KCNQ3: variants seen among roughly 807,000 people sequenced by gnomAD.
KCNQ3 encodes the protein potassium voltage-gated channel subfamily KQT member 3.
In KCNQ3, 30 loss-of-function variants were observed where a neutral mutation model predicts 92.5. That is an observed-to-expected ratio of 0.32 (90% confidence interval 0.24 to 0.44). The LOEUF is 0.44. Ranked by LOEUF, KCNQ3 falls within the 20% of genes least tolerant of loss-of-function variation. KCNQ3 has a pLI of 1.00. For missense variants in KCNQ3, 913 were observed against 1,140.3 expected (o/e 0.80, Z 2.87); for synonymous variants, 450 against 468.8 (o/e 0.96, Z 0.52).
chr8:132,206,429 T>C (rs1195044476), intron 1 of KCNQ3, among the ~76,000 whole-genome samples: 2 of 152,172 alleles, frequency 1.3e-5, no homozygotes, highest in Non-Finnish European at 2.9e-5. Context: ...AAGCAAACAA[T>C]GGAAATCAAA....
Position 132,217,730 on chromosome 8 carries a change from AC to A in KCNQ3, c.387-31550del, listed in dbSNP as rs759242632. Among the ~76,000 whole-genome samples the A allele has an allele frequency of 2.9e-4, 44 of 150,490 alleles. 2 individuals are homozygous for A. Among genetic ancestry groups the A allele is most frequent in the African/African-American group, 7.3e-4 (30 of 40,874 alleles). ...TGTCTCAAAAAAAAAAAAAAAAAAA[AC>A]AAAACACTGGGAGTCTGAACTATTG... On this transcript the variant is annotated intron_variant, in intron 1 of 14. Coordinates refer to ENST00000388996, the MANE Select transcript of KCNQ3 (RefSeq NM_004519.4).
Position 132,175,500 on chromosome 8 carries a change from T to C in KCNQ3, c.886A>G (p.Met296Val). 1 of 1,614,120 alleles carries C rather than the reference T, an allele frequency of 6.2e-7. No individual in the cohort carries two copies. Among genetic ancestry groups the C allele is most frequent in the South Asian group, 1.1e-5 (1 of 91,082 alleles). Residue 296 changes from methionine (M) to valine (V), a missense_variant, in exon 5 of 15, where the codon ATG becomes GTG. Physicochemically the swap from Met to Val is conservative, Grantham distance 21. This residue lies in a region of KCNQ3 where 21 missense variants were observed against 16.3 expected (regional missense o/e 1.29). Transcript: ENST00000388996. ...VPEVDAQGEE[M>V]KEEFETYADA... ...GCATAGGTCTCAAACTCCTCTTTCA[T>C]CTCCTCTCCTTGTGCATCCACCTCT...
At chr8:132,278,930 C>T (rs1230080364) in intron 1 of KCNQ3, among the ~76,000 whole-genome samples, 1 of 152,120 alleles carries the variant, frequency 6.6e-6, no homozygotes, top group African/African-American at 2.4e-5. Flanking sequence ...AAAAAGTGCA[C>T]ATCCGTCAGG....
At chr8:132,170,260 G>T in intron 8 of KCNQ3, 74 bp downstream of exon 8, 1 of 1,074,952 alleles carries the variant, frequency 9.3e-7, no homozygotes, top group Non-Finnish European at 1.4e-6. Context: ...GACCCGTGAG[G>T]CCACAGACAC....
intron 1 of KCNQ3, among the ~76,000 whole-genome samples, chr8:132,291,268 C>A (rs73710512): frequency 0.11 from 17,103 of 152,130 alleles, 1,045 homozygotes; most frequent in South Asian, 0.16. Context: ...ATTTTAAACA[C>A]CAATTGACTT....
In KCNQ3 at chr8:132,129,935, C is replaced by T. The variant is rs532323444; in HGVS notation, c.1946G>A (p.Arg649Gln). ...ATACTCCGTGACCTGCACCTGCAAC[C>T]GTTCCATGTGTTGCATGTGCATATC... ...LVDMHMQHME[R>Q]LQVQVTEYYP... The change falls in exon 15 of 15, where the codon CGG becomes CAG. Residue 649 changes from arginine (R) to glutamine (Q), a missense_variant. Physicochemically the swap from Arg to Gln is conservative, Grantham distance 43. This residue lies in a region of KCNQ3 where 375 missense variants were observed against 376.4 expected (regional missense o/e 1.00). Transcript: ENST00000388996. This position sits in a 1 kb window ranked among gnomAD's most constrained non-coding sequence, Gnocchi z 5.9. 21 of 1,614,042 alleles carry T rather than the reference C, an allele frequency of 1.3e-5. No homozygotes were observed. The highest frequency in any genetic ancestry group is 1.7e-4 in the Middle Eastern group (1 of 6,052).
chr8:132,293,724 A>T (rs1203171562), intron 1 of KCNQ3, among the ~76,000 whole-genome samples: 1 of 152,146 alleles, frequency 6.6e-6, no homozygotes, highest in Non-Finnish European at 1.5e-5. Context: ...GAGGCGTGTC[A>T]TATCTCTTTG....
rs1420290662 is a variant in KCNQ3, at chr8:132,127,896, G to A, written c.*1366C>T. Reference sequence around the variant, plus strand: ...TGTCTTACGGTTACATATGGTTTTAGTATTTTCATTTAAAAAATCTGGGTT... The same window carrying A: ...TGTCTTACGGTTACATATGGTTTTAATATTTTCATTTAAAAAATCTGGGTT... On this transcript the variant is annotated 3_prime_UTR_variant, in exon 15 of 15. Transcript: ENST00000388996. The A allele has an allele frequency of 6.6e-6, 1 of 152,144 alleles. No individual in the cohort carries two copies. Among genetic ancestry groups the A allele is most frequent in the African/African-American group, 2.4e-5 (1 of 41,432 alleles). 9.4% of individuals were successfully genotyped at this position (152,144 alleles called of 1,614,324 possible).
chr8:132,211,949 T>A (rs1328043341), intron 1 of KCNQ3, among the ~76,000 whole-genome samples: 2 of 121,146 alleles, frequency 1.7e-5, no homozygotes, highest in Non-Finnish European at 3.2e-5. Context: ...CTAGACTCCA[T>A]CTCAAAAAAA....
intron 1 of KCNQ3, among the ~76,000 whole-genome samples, chr8:132,417,625 C>T (rs1293344710): frequency 1.3e-5 from 2 of 152,214 alleles, no homozygotes; most frequent in South Asian, 4.1e-4. Context: ...GACTTGACCA[C>T]TTAGCAGCAA....
chr8:132,441,184 A>G (rs1365773212), intron 1 of KCNQ3, among the ~76,000 whole-genome samples: 2 of 152,196 alleles, frequency 1.3e-5, no homozygotes, highest in African/African-American at 4.8e-5. Context: ...GGTTGATGCC[A>G]TGTCTTTACT....
chr8:132,327,288 G>GTTA (rs1345012005), intron 1 of KCNQ3, among the ~76,000 whole-genome samples: 2 of 152,192 alleles, frequency 1.3e-5, no homozygotes, highest in East Asian at 3.9e-4. Flanking sequence ...AGCACTCTAA[G>GTTA]ATCAGACACT....
chr8:132,349,856 G>A (rs1818806285), intron 1 of KCNQ3, among the ~76,000 whole-genome samples: 1 of 152,226 alleles, frequency 6.6e-6, no homozygotes, highest in South Asian at 2.1e-4. Flanking sequence ...GACAATTGGG[G>A]ACAGCTTGTT....
intron 13 of KCNQ3, among the ~76,000 whole-genome samples, chr8:132,132,859 T>G (rs1283332589): frequency 1.3e-5 from 2 of 152,224 alleles, no homozygotes; most frequent in African/African-American, 4.8e-5. Context: ...AGTTTCAACA[T>G]TTTTATTTTT....
At chr8:132,404,713 C>T (rs554344926) in intron 1 of KCNQ3, among the ~76,000 whole-genome samples, 2 of 152,294 alleles carry the variant, frequency 1.3e-5, no homozygotes, top group African/African-American at 2.4e-5. Flanking sequence ...TTGGCTCATA[C>T]AAGAACTAAA....
intron 1 of KCNQ3, among the ~76,000 whole-genome samples, chr8:132,278,363 G>A (rs1816407007): frequency 6.6e-6 from 1 of 152,186 alleles, no homozygotes; most frequent in Admixed American, 6.5e-5. Flanking sequence ...AATCAGCATT[G>A]TCCTCAAGGA....
At chr8:132,427,549 A>G (rs879650274) in intron 1 of KCNQ3, among the ~76,000 whole-genome samples, 2 of 152,244 alleles carry the variant, frequency 1.3e-5, no homozygotes, top group Non-Finnish European at 2.9e-5. Context: ...AAGTCTCAGA[A>G]GCAAAGGAAT....
chr8:132,163,824 A>G (rs1204684844), intron 8 of KCNQ3, among the ~76,000 whole-genome samples: 4 of 152,236 alleles, frequency 2.6e-5, no homozygotes, highest in Admixed American at 2.6e-4. Context: ...GTGGAGACAG[A>G]CCAGGAAACC....
At chr8:132,268,470 G>A (rs973422555) in intron 1 of KCNQ3, among the ~76,000 whole-genome samples, 1 of 152,092 alleles carries the variant, frequency 6.6e-6, no homozygotes, top group Non-Finnish European at 1.5e-5. Context: ...TATTGACCAG[G>A]CTGGTCTCAA....
Sources: gnomAD v4.1 joint callset for allele counts (sites outside exome capture counted in the v4.1 genomes callset) on GRCh38, gnomAD v4.1.1 for gene constraint, gnomAD v4.1.1 regional missense constraint, Gnocchi (gnomAD v3.1) non-coding constraint, MANE v1.5 for transcripts, NCBI Gene and HGNC (gene_info 2026-07-23, HGNC 2026-07-21) for gene names.